FAAH2: variants seen among roughly 807,000 people sequenced by gnomAD.
FAAH2 encodes the protein fatty-acid amide hydrolase 2.
Under a neutral mutation model 36.9 loss-of-function variants are expected in FAAH2, and 60 were observed. The observed-to-expected ratio is 1.63, with a 90% CI of 1.32 to 2.02. The LOEUF is 2.02. Ranked by LOEUF, FAAH2 falls within the 30% of genes most tolerant of loss-of-function variation. FAAH2 has a pLI of 0.00. For synonymous variants in FAAH2, 214 were observed against 143.8 expected, an observed-to-expected ratio of 1.49 and a Z score of -3.49; for missense variants, 689 against 397.5, an observed-to-expected ratio of 1.73 and a Z score of -6.23.
At chrX:57,207,525 C>T in the FAAH2 span, among the ~76,000 whole-genome samples, 3 of 111,985 alleles carry the variant, frequency 2.7e-5, no homozygotes, top group Non-Finnish European at 5.6e-5. Context: ...GCTGCTTTGC[C>T]TTGTTTATTT....
At chrX:57,373,602 C>T (rs1287549263) in intron 5 of FAAH2, among the ~76,000 whole-genome samples, 1 of 110,920 alleles carries the variant, frequency 9.0e-6, no homozygotes, top group Non-Finnish European at 1.9e-5. Flanking sequence ...TGTTTGAGTT[C>T]TTTCTAGATT....
At chrX:57,459,432 G>A (rs937544965) in intron 10 of FAAH2, among the ~76,000 whole-genome samples, 20 of 112,393 alleles carry the variant, frequency 1.8e-4, no homozygotes, top group African/African-American at 6.1e-4. Context: ...TCTGCCTGAT[G>A]GCTCTGAGGA....
At chrX:57,329,730 G>C (rs2053342439) in intron 3 of FAAH2, among the ~76,000 whole-genome samples, 1 of 110,703 alleles carries the variant, frequency 9.0e-6, no homozygotes, top group Non-Finnish European at 1.9e-5. Context: ...CTGCCGTAGT[G>C]GCAGGGTGTT....
At chrX:57,230,207 C>T in the FAAH2 span, among the ~76,000 whole-genome samples, 92 of 112,139 alleles carry the variant, frequency 8.2e-4, 1 homozygote, top group African/African-American at 2.8e-3. Flanking sequence ...CCATCAACAG[C>T]ATTCTTTCCC....
At chrX:57,358,402 T>C (rs1239319256) in intron 5 of FAAH2, among the ~76,000 whole-genome samples, 1 of 111,355 alleles carries the variant, frequency 9.0e-6, no homozygotes, top group Non-Finnish European at 1.9e-5. Context: ...TCTCTGCCTC[T>C]ATGAGTTTGA....
the FAAH2 span, among the ~76,000 whole-genome samples, chrX:57,245,056 CA>C: frequency 3.7e-5 from 4 of 106,779 alleles, no homozygotes; most frequent in Middle Eastern, 4.9e-3. Context: ...AAATGGAAAA[CA>C]AAAAAAAAGC....
intron 1 of FAAH2, chrX:57,290,215 C>G: frequency 2.1e-6 from 1 of 485,531 alleles, no homozygotes; most frequent in Non-Finnish European, 2.4e-6. Flanking sequence ...TTTTTTTTTT[C>G]TCACGTGCTG....
intron 7 of FAAH2, among the ~76,000 whole-genome samples, chrX:57,415,618 G>A (rs1447029455): frequency 1.8e-5 from 2 of 111,119 alleles, no homozygotes; most frequent in Non-Finnish European, 3.8e-5. Flanking sequence ...ATTCTTTTTC[G>A]TTTGTTGAGG....
chrX:57,253,490 A>C, the FAAH2 span, among the ~76,000 whole-genome samples: 7 of 111,851 alleles, frequency 6.3e-5, no homozygotes, highest in Admixed American at 4.8e-4. Context: ...GGTAAAAATG[A>C]AGGAAAAAAT....
the FAAH2 span, among the ~76,000 whole-genome samples, chrX:57,269,933 G>A: frequency 2.8e-3 from 311 of 110,599 alleles, no homozygotes; most frequent in African/African-American, 9.6e-3. Flanking sequence ...AACAAATCCA[G>A]GAGCTGCTTT....
the FAAH2 span, among the ~76,000 whole-genome samples, chrX:57,272,816 G>A: frequency 8.9e-6 from 1 of 112,198 alleles, no homozygotes; most frequent in Non-Finnish European, 1.9e-5. Context: ...AAATTGTAAA[G>A]AACATCAACA....
chrX:57,355,605 T>C (rs982466158), intron 5 of FAAH2, among the ~76,000 whole-genome samples: 2 of 111,001 alleles, frequency 1.8e-5, no homozygotes, highest in African/African-American at 6.5e-5. Context: ...TCATTATTAG[T>C]TCATTGAAGT....
At chrX:57,254,239 A>T in the FAAH2 span, among the ~76,000 whole-genome samples, 1 of 112,022 alleles carries the variant, frequency 8.9e-6, no homozygotes, top group East Asian at 2.8e-4. Context: ...CTAAATATAT[A>T]TGCACCCAAT....
the FAAH2 span, among the ~76,000 whole-genome samples, chrX:57,128,957 G>A: frequency 8.9e-6 from 1 of 111,930 alleles, no homozygotes; most frequent in Non-Finnish European, 1.9e-5. Context: ...CTCTGAACAG[G>A]TGATATTTGA....
upstream of FAAH2, among the ~76,000 whole-genome samples, chrX:57,284,933 G>A (rs192843716): frequency 5.4e-5 from 6 of 112,075 alleles, no homozygotes; most frequent in East Asian, 1.4e-3. Context: ...TCTGGTCAGA[G>A]CCCAATCAGT....
chrX:57,381,476 A>G, intron 7 of FAAH2: 1 of 565,203 alleles, frequency 1.8e-6, no homozygotes, highest in Non-Finnish European at 2.1e-6. Flanking sequence ...GGAAAGAAGA[A>G]TAATAAGGGG....
chrX:57,453,324 A>G (rs2056816261), intron 10 of FAAH2, among the ~76,000 whole-genome samples: 1 of 112,793 alleles, frequency 8.9e-6, no homozygotes, highest in Non-Finnish European at 1.9e-5. Flanking sequence ...GAGGCATACA[A>G]GTAAAAAAGG....
the FAAH2 span, among the ~76,000 whole-genome samples, chrX:57,267,945 G>C: frequency 8.9e-6 from 1 of 112,626 alleles, no homozygotes; most frequent in South Asian, 3.6e-4. Flanking sequence ...ATACCTTCTA[G>C]CCTCCAAATG....
intron 3 of FAAH2, among the ~76,000 whole-genome samples, chrX:57,320,340 C>A (rs1282016136): frequency 8.9e-6 from 1 of 111,733 alleles, no homozygotes; most frequent in Non-Finnish European, 1.9e-5. Context: ...CAAACATCCC[C>A]ATCAAAAAGT....
Sources: allele counts gnomAD v4.1 joint callset (sites outside exome capture counted in the v4.1 genomes callset), GRCh38; gene constraint gnomAD v4.1.1; transcripts MANE v1.5; gene names NCBI Gene and HGNC (gene_info 2026-07-23, HGNC 2026-07-21).